Variants in ERMP1 observed in about 807,000 individuals in gnomAD.
ERMP1 encodes endoplasmic reticulum metallopeptidase 1.
In ERMP1, 86 loss-of-function variants were observed where a neutral mutation model predicts 92.0. The ratio of observed to expected loss-of-function variants is 0.93; its 90% CI spans 0.79 to 1.12. ERMP1 has a LOEUF of 1.12. Among genes scored for constraint, ERMP1 ranks in the 50% most tolerant of loss-of-function variants. The pLI is 0.00. For missense variants in ERMP1, 1,342 were observed against 1,116.3 expected, an observed-to-expected ratio of 1.20 and a Z score of -2.88; for synonymous variants, 530 against 412.8, an observed-to-expected ratio of 1.28 and a Z score of -3.44.
intron 2 of ERMP1, 141 bp downstream of exon 2, chr9:5,830,586 C>T (rs930579833): frequency 6.5e-6 from 4 of 618,580 alleles, no homozygotes; most frequent in Admixed American, 3.0e-5. Flanking sequence ...TGATACTATC[C>T]TAATTATCCT....
intron 6 of ERMP1, among the ~76,000 whole-genome samples, chr9:5,852,019 A>T (rs1054407010): frequency 2.6e-5 from 4 of 152,204 alleles, no homozygotes; most frequent in African/African-American, 9.6e-5. Context: ...CAAAGTAAAA[A>T]TGAAATCTAA....
intron 6 of ERMP1, among the ~76,000 whole-genome samples, chr9:5,846,825 A>G (rs1830239989): frequency 6.6e-6 from 1 of 152,096 alleles, no homozygotes; most frequent in Non-Finnish European, 1.5e-5. Flanking sequence ...TCCCCGTTCT[A>G]TTTGAGTTAT....
At chr9:5,860,252 C>G (rs1026368056) in intron 5 of ERMP1, among the ~76,000 whole-genome samples, 8 of 150,468 alleles carry the variant, frequency 5.3e-5, no homozygotes, top group African/African-American at 2.0e-4. Flanking sequence ...TTGCAGTAAG[C>G]TGTAATTGTG....
At chr9:5,864,104 A>G (rs894965276) in intron 5 of ERMP1, among the ~76,000 whole-genome samples, 1 of 152,240 alleles carries the variant, frequency 6.6e-6, no homozygotes, top group African/African-American at 2.4e-5. Flanking sequence ...GCACATTTTC[A>G]CTAGTCATGA....
intron 2 of ERMP1, 72 bp downstream of exon 2, chr9:5,830,655 G>T: frequency 7.8e-7 from 1 of 1,283,204 alleles, no homozygotes; most frequent in Non-Finnish European, 1.1e-6. Flanking sequence ...AATTGCCCAA[G>T]TAGCTTGGGG....
At chr9:5,850,203 C>T (rs770651011) in intron 6 of ERMP1, among the ~76,000 whole-genome samples, 19 of 151,736 alleles carry the variant, frequency 1.3e-4, no homozygotes, top group Admixed American at 3.9e-4. Flanking sequence ...GAGAATTCCT[C>T]GAGACCAGCC....
chr9:5,863,669 G>A (rs771833450), intron 5 of ERMP1, among the ~76,000 whole-genome samples: 46 of 152,126 alleles, frequency 3.0e-4, no homozygotes, highest in Non-Finnish European at 5.7e-4. Context: ...GCCTGCCCTT[G>A]GGAAGCTGGG....
intron 6 of ERMP1, among the ~76,000 whole-genome samples, chr9:5,838,399 G>T (rs1225768446): frequency 2.0e-5 from 3 of 152,018 alleles, no homozygotes; most frequent in Non-Finnish European, 2.9e-5. Flanking sequence ...AAAAAAATTA[G>T]CTGGGTGTGG....
chr9:5,816,216 C>T (rs1312133935), intron 4 of ERMP1, among the ~76,000 whole-genome samples: 5 of 152,052 alleles, frequency 3.3e-5, no homozygotes, highest in Admixed American at 3.3e-4. Flanking sequence ...TGGGTAGGAA[C>T]CCAGATTTTT....
At chr9:5,847,229 CCAAATATCAT>C (rs2129747781) in intron 6 of ERMP1, among the ~76,000 whole-genome samples, 1 of 152,170 alleles carries the variant, frequency 6.6e-6, no homozygotes, top group Admixed American at 6.5e-5. Context: ...TGTTATCAAC[CCAAATATCAT>C]CACTGATTGT....
chr9:5,786,321 G>C lies in ERMP1; in HGVS notation c.*823C>G, dbSNP rs1410782414. 1 of 152,200 alleles carries C rather than the reference G, an allele frequency of 6.6e-6. No homozygotes were observed. Among genetic ancestry groups the C allele is most frequent in the South Asian group, 2.1e-4 (1 of 4,824 alleles). The allele number at this position is 152,200 out of a possible 1,614,324, so 9.4% of individuals were successfully genotyped here. The stretch of plus-strand genomic sequence containing the variant: ...ATGGCAGCTCAGTGCTCTGAGGAAG[G>C]AAGTTAAGGTCATGTACTGGCACAA... On this transcript the variant is annotated 3_prime_UTR_variant, in exon 15 of 15. Coordinates refer to ENST00000339450, the MANE Select transcript of ERMP1 (RefSeq NM_024896.3).
intron 5 of ERMP1, among the ~76,000 whole-genome samples, chr9:5,864,375 C>T (rs770751034): frequency 3.3e-4 from 50 of 152,180 alleles, no homozygotes; most frequent in Non-Finnish European, 2.8e-4. Context: ...AGAACCCATC[C>T]TCCCAGATGA....
At position 5,798,833 on chromosome 9, in the gene ERMP1, C is replaced by G. The variant is rs1270199810; in HGVS notation, c.2243G>C (p.Trp748Ser). 1 of 1,613,466 alleles carries G rather than the reference C, an allele frequency of 6.2e-7. No individual in the cohort carries two copies. Among genetic ancestry groups the G allele is most frequent in the African/African-American group, 1.3e-5 (1 of 74,894 alleles). ...EENAPLCGFP[W>S]YLPVHFLIRK... The stretch of plus-strand genomic sequence containing the variant: ...GATCAGAAAGTGCACTGGAAGATAC[C>G]AAGGAAAACCACAAAGAGGTGCATT... The change falls in exon 12 of 15, where the codon TGG (tryptophan) becomes TCG (serine). Residue 748 changes from tryptophan (W) to serine (S), a missense_variant. Physicochemically the swap from Trp to Ser is radical, Grantham distance 177 (BLOSUM62 -3). Coordinates refer to ENST00000339450, the MANE Select transcript of ERMP1 (RefSeq NM_024896.3).
chr9:5,825,847 T>G (rs1240603994), intron 2 of ERMP1, among the ~76,000 whole-genome samples: 2 of 152,362 alleles, frequency 1.3e-5, no homozygotes, highest in Non-Finnish European at 1.5e-5. Context: ...GTTGAATCTC[T>G]GAACCTCTTC....
rs748246627 is a variant in ERMP1, at chr9:5,812,179, G to C, written c.1060C>G (p.His354Asp). Residue 354 changes from histidine to aspartate, a missense_variant, in exon 6 of 15, where the codon CAC becomes GAC. Coordinates refer to ENST00000339450, the MANE Select transcript of ERMP1 (RefSeq NM_024896.3). ...CTGTCCGCTGTGTCATACTTGGTGT[G>C]ATAAATGTATCCATTCTCAATAAAA... Reference protein sequence around the residue: ...LAFIENGYIYHTKYDTADRIL... With the variant: ...LAFIENGYIYDTKYDTADRIL... 2.5e-6 allele frequency: 4 copies of C among 1,609,424 alleles called. No individual in the cohort carries two copies. Among genetic ancestry groups the C allele is most frequent in the Non-Finnish European group, 3.4e-6 (4 of 1,177,332 alleles).
chr9:5,788,242 T>G (rs1828022794), intron 13 of ERMP1, among the ~76,000 whole-genome samples: 1 of 152,206 alleles, frequency 6.6e-6, no homozygotes, highest in Non-Finnish European at 1.5e-5. Flanking sequence ...CTCACACACT[T>G]GTGCCCACCC....
chr9:5,861,337 G>T (rs575428593), intron 5 of ERMP1, among the ~76,000 whole-genome samples: 1 of 152,026 alleles, frequency 6.6e-6, no homozygotes, highest in Non-Finnish European at 1.5e-5. Flanking sequence ...TGAAAAAAAA[G>T]TAAGATTTAA....
chr9:5,864,696 G>A (rs2129790491), intron 5 of ERMP1, among the ~76,000 whole-genome samples: 1 of 152,262 alleles, frequency 6.6e-6, no homozygotes, highest in South Asian at 2.1e-4. Context: ...ATGTAGGCAG[G>A]CCTGGAGAAG....
chr9:5,831,805 C>T (rs1238916931), intron 1 of ERMP1, among the ~76,000 whole-genome samples: 1 of 152,036 alleles, frequency 6.6e-6, no homozygotes, highest in African/African-American at 2.4e-5. Flanking sequence ...CACCCAAGGT[C>T]TAATAACTTC....
Sources: gnomAD v4.1 joint callset for allele counts (sites outside exome capture counted in the v4.1 genomes callset) on GRCh38, gnomAD v4.1.1 for gene constraint, MANE v1.5 for transcripts, NCBI Gene and HGNC (gene_info 2026-07-23, HGNC 2026-07-21) for gene names.